The following ASXL3 variants were observed in gnomAD, a reference collection of about 807,000 sequenced individuals.
The protein encoded by ASXL3 is putative Polycomb group protein ASXL3.
A neutral mutation model predicts 170.6 loss-of-function variants in ASXL3; 34 were observed. The ratio of observed to expected loss-of-function variants is 0.20; its 90% CI spans 0.15 to 0.27. The LOEUF (loss-of-function observed/expected upper bound fraction) is 0.27. Among genes scored for constraint, ASXL3 ranks in the 10% least tolerant of loss-of-function variants. The pLI is 1.00. For synonymous variants in ASXL3, 1,002 were observed against 989.1 expected (o/e 1.01, Z -0.24); for missense variants, 2,592 against 2,695.3 (o/e 0.96, Z 0.85).
chr18:33,631,849 A>G (rs2065681428), intron 2 of ASXL3, among the ~76,000 whole-genome samples: 1 of 152,198 alleles, frequency 6.6e-6, no homozygotes, highest in South Asian at 2.1e-4. Flanking sequence ...AAACAAGTTT[A>G]CAGAATATTT....
chr18:33,644,896 G>A lies in ASXL3; in HGVS notation c.140G>A (p.Gly47Glu). The change falls in exon 3 of 12, where the codon GGA becomes GAA. Residue 47 changes from glycine to glutamate, a missense_variant and splice_region_variant. Around this residue, in one of 4 missense-constraint regions of ASXL3, gnomAD observed 251 missense variants for 281.9 expected, o/e 0.89. Coordinates refer to ENST00000269197, the MANE Select transcript of ASXL3 (RefSeq NM_030632.3). ...IQKEGLKETS[G>E]TSPLACLNAM... The stretch of plus-strand genomic sequence containing the variant: ...TTTTGCACACTTTTATTTTCTAGTG[G>A]AACCTCTCCATTAGCCTGTCTGAAT... 1.3e-6 allele frequency: 2 copies of A among 1,555,558 alleles called. No homozygotes were observed. Among genetic ancestry groups the A allele is most frequent in the Non-Finnish European group, 1.7e-6 (2 of 1,145,138 alleles).
intron 4 of ASXL3, among the ~76,000 whole-genome samples, chr18:33,659,937 G>A (rs372854822): frequency 1.3e-4 from 20 of 152,078 alleles, no homozygotes; most frequent in African/African-American, 4.1e-4. Flanking sequence ...CCTTGTCGGG[G>A]GCTGAGTGAC....
At position 33,670,657 on chromosome 18, in the gene ASXL3, T is replaced by G; in HGVS notation, c.478-16T>G. The G allele has an allele frequency of 1.3e-6, 2 of 1,493,084 alleles. No homozygotes were observed. Among genetic ancestry groups the G allele is most frequent in the Non-Finnish European group, 1.8e-6 (2 of 1,108,110 alleles). The allele number at this position is 1,493,084 out of a possible 1,614,324, so 92.5% of individuals were successfully genotyped here. ...GGCTATATTTTTATGTTATATCTTT[T>G]TATTATGTTTTGTAGGCTTTGAGGC... On this transcript the variant is annotated splice_polypyrimidine_tract_variant and intron_variant, in intron 5 of 11. Transcript: ENST00000269197.
At chr18:33,725,848 C>G (rs138246563) in intron 8 of ASXL3, among the ~76,000 whole-genome samples, 1 of 152,126 alleles carries the variant, frequency 6.6e-6, no homozygotes, top group South Asian at 2.1e-4. Context: ...CTTTCTCAGC[C>G]CCAGTGATCA....
Position 33,739,272 on chromosome 18 carries a change from C to G in ASXL3, c.1868C>G (p.Thr623Ser), listed in dbSNP as rs768931098. 3 of 1,613,626 alleles carry G rather than the reference C, an allele frequency of 1.9e-6. No homozygotes were observed. The highest frequency in any genetic ancestry group is 2.2e-5 in the East Asian group (1 of 44,878). ...TCTGAGAGCCCAGAGGGAGCCTGTA[C>G]CAGCCTGCCTTCTCCAGGAGGGGAA... ...FSSESPEGAC[T>S]SLPSPGGETQ... The change falls in exon 11 of 12, where the codon ACC (threonine) becomes AGC (serine). Residue 623 changes from threonine to serine, a missense_variant. Thr to Ser is a moderately conservative substitution (Grantham distance 58, BLOSUM62 1). Around this residue, in one of 4 missense-constraint regions of ASXL3, gnomAD observed 2,246 missense variants for 2,219.6 expected, o/e 1.01. Coordinates refer to ENST00000269197, the MANE Select transcript of ASXL3 (RefSeq NM_030632.3).
chr18:33,603,860 A>G (rs1053870758), intron 1 of ASXL3, among the ~76,000 whole-genome samples: 1 of 152,082 alleles, frequency 6.6e-6, no homozygotes, highest in African/African-American at 2.4e-5. Context: ...CAAAGAAAGA[A>G]AGGACATTTT....
chr18:33,713,321 C>A (rs2067109107), intron 8 of ASXL3, among the ~76,000 whole-genome samples: 1 of 77,236 alleles, frequency 1.3e-5, no homozygotes, highest in Non-Finnish European at 2.3e-5. Context: ...GTGGCACAAT[C>A]TTGGCTCACT....
intron 1 of ASXL3, among the ~76,000 whole-genome samples, chr18:33,580,516 G>A (rs2064982896): frequency 6.6e-6 from 1 of 152,152 alleles, no homozygotes; most frequent in Non-Finnish European, 1.5e-5. Flanking sequence ...TCATGAATTA[G>A]CCATATCTGC....
intron 10 of ASXL3, among the ~76,000 whole-genome samples, chr18:33,738,201 G>T (rs1282372028): frequency 6.6e-6 from 1 of 151,980 alleles, no homozygotes; most frequent in Admixed American, 6.6e-5. Flanking sequence ...TTTGTTGTAT[G>T]TAATTTTCAT....
chr18:33,730,292 C>T (rs967506818), intron 8 of ASXL3, among the ~76,000 whole-genome samples: 1 of 152,028 alleles, frequency 6.6e-6, no homozygotes, highest in Non-Finnish European at 1.5e-5. Context: ...CTTGAGAAAC[C>T]CTGCTCTAAT....
chr18:33,622,485 C>A (rs1415457055), intron 2 of ASXL3, among the ~76,000 whole-genome samples: 1 of 152,142 alleles, frequency 6.6e-6, no homozygotes, highest in Non-Finnish European at 1.5e-5. Flanking sequence ...ACAATCTATT[C>A]TGTAAGCTGA....
chr18:33,724,156 T>A (rs1161269272), intron 8 of ASXL3, among the ~76,000 whole-genome samples: 2 of 152,142 alleles, frequency 1.3e-5, no homozygotes, highest in Non-Finnish European at 2.9e-5. Flanking sequence ...GATATGCCTG[T>A]ATAACATTTT....
intron 8 of ASXL3, among the ~76,000 whole-genome samples, chr18:33,711,908 G>A (rs2067071515): frequency 6.6e-6 from 1 of 151,956 alleles, no homozygotes; most frequent in African/African-American, 2.4e-5. Flanking sequence ...TGCAGTTGCT[G>A]GAAAAAATGG....
rs183092642 is a variant in ASXL3 at position 33,604,374 on chromosome 18, T to G, written c.55-3220T>G. ...CTTATTACAGGTTACAAAATAAATCTTAAGTGGAATGATGTATAAAATTCC... is the reference window on the plus strand; with the variant it reads ...CTTATTACAGGTTACAAAATAAATCGTAAGTGGAATGATGTATAAAATTCC... On this transcript the variant is annotated intron_variant, in intron 1 of 11. Transcript: ENST00000269197. Among the ~76,000 whole-genome samples, 4 of 152,166 alleles carry G rather than the reference T, an allele frequency of 2.6e-5. No individual in the cohort carries two copies. The East Asian group carries it at 7.7e-4, about 29-fold the overall frequency.
intron 1 of ASXL3, among the ~76,000 whole-genome samples, chr18:33,601,337 C>T (rs563450332): frequency 6.6e-6 from 1 of 151,832 alleles, no homozygotes; most frequent in East Asian, 1.9e-4. Context: ...AGTCATTTGG[C>T]TCATTGGAAT....
chr18:33,699,442 G>T (rs1015240413), intron 8 of ASXL3, among the ~76,000 whole-genome samples: 5 of 152,146 alleles, frequency 3.3e-5, no homozygotes, highest in Non-Finnish European at 7.4e-5. Flanking sequence ...ACTGGCAAAT[G>T]AAAGAATAGG....
intron 2 of ASXL3, among the ~76,000 whole-genome samples, chr18:33,624,147 G>T (rs1300936010): frequency 6.6e-6 from 1 of 152,080 alleles, no homozygotes; most frequent in East Asian, 1.9e-4. Flanking sequence ...GACAGAGTGA[G>T]GCCTTGTCTC....
chr18:33,705,401 T>C (rs1169292207), intron 8 of ASXL3, among the ~76,000 whole-genome samples: 2 of 151,548 alleles, frequency 1.3e-5, no homozygotes, highest in African/African-American at 4.8e-5. Flanking sequence ...ATTTTCCTTA[T>C]ATCAAACGTG....
chr18:33,657,394 C>T (rs17554161), intron 4 of ASXL3, among the ~76,000 whole-genome samples: 8,447 of 152,114 alleles, frequency 0.056, 300 homozygotes, highest in African/African-American at 0.085. Context: ...AGTTTGTATT[C>T]TGATTGCTCC....
Sources: gnomAD v4.1 joint callset for allele counts (sites outside exome capture counted in the v4.1 genomes callset) on GRCh38, gnomAD v4.1.1 for gene constraint, gnomAD v4.1.1 regional missense constraint, MANE v1.5 for transcripts, NCBI Gene and HGNC (gene_info 2026-07-23, HGNC 2026-07-21) for gene names.